DEPTOR: variants seen among roughly 807,000 people sequenced by gnomAD.
The protein encoded by DEPTOR is DEP domain-containing mTOR-interacting protein.
Under a neutral mutation model 41.6 loss-of-function variants are expected in DEPTOR, and 41 were observed. That is an observed-to-expected ratio of 0.98 (90% CI 0.77 to 1.28). The LOEUF (loss-of-function observed/expected upper bound fraction) is 1.28. DEPTOR is among the 50% of genes most tolerant of loss of function. The pLI, the probability that DEPTOR is intolerant of heterozygous loss-of-function variation, is 0.00. For missense variants in DEPTOR, 514 were observed against 527.9 expected (o/e 0.97, Z 0.26); for synonymous variants, 195 against 192.3 (o/e 1.01, Z -0.12).
At chr8:119,966,193 G>A (rs1381818462) in intron 4 of DEPTOR, among the ~76,000 whole-genome samples, 1 of 152,222 alleles carries the variant, frequency 6.6e-6, no homozygotes, top group African/African-American at 2.4e-5. Context: ...AGTCCGGCAC[G>A]GTGGCTCACA....
chr8:120,031,768 A>T (rs1812896082), intron 8 of DEPTOR, among the ~76,000 whole-genome samples: 1 of 152,064 alleles, frequency 6.6e-6, no homozygotes, highest in African/African-American at 2.4e-5. Context: ...GGCAGCCTTG[A>T]TACTGGGAGC....
rs116873044 is a variant in DEPTOR, at chr8:120,037,852, G to A, written c.1102-11724G>A. 1.2e-4 allele frequency among the ~76,000 whole-genome samples: 18 copies of A among 152,154 alleles called. No homozygotes were observed. The East Asian group carries it at 1.9e-3, about 16-fold the overall frequency. ...AAATGCCCCTGTCACATTCCCCATC[G>A]TTTTCTTCCATCTATAAAGATGATG... On this transcript the variant is annotated intron_variant, in intron 8 of 8. Coordinates refer to ENST00000286234, the MANE Select transcript of DEPTOR (RefSeq NM_022783.4).
At chr8:119,936,313 T>A (rs948953743) in intron 3 of DEPTOR, among the ~76,000 whole-genome samples, 2 of 152,186 alleles carry the variant, frequency 1.3e-5, no homozygotes, top group African/African-American at 4.8e-5. Context: ...TCCCAGTGCC[T>A]GGGACAATAA....
intron 1 of DEPTOR, among the ~76,000 whole-genome samples, chr8:119,903,515 C>G (rs540286416): frequency 3.9e-5 from 6 of 152,270 alleles, no homozygotes; most frequent in African/African-American, 1.4e-4. Context: ...ATGTCATCAA[C>G]ATAGTGAAGT....
intron 1 of DEPTOR, among the ~76,000 whole-genome samples, chr8:119,904,220 C>T (rs1827631168): frequency 2.6e-5 from 4 of 151,908 alleles, no homozygotes; most frequent in Admixed American, 2.6e-4. Flanking sequence ...CAGGTTCAAG[C>T]AGTTCTCATG....
intron 3 of DEPTOR, among the ~76,000 whole-genome samples, chr8:119,940,952 G>A (rs899046268): frequency 1.3e-5 from 2 of 152,062 alleles, no homozygotes; most frequent in Admixed American, 6.6e-5. Flanking sequence ...AGGGGAAAGG[G>A]GGGAATAGGG....
chr8:119,987,623 G>A (rs1378770197), intron 4 of DEPTOR, among the ~76,000 whole-genome samples: 1 of 152,176 alleles, frequency 6.6e-6, no homozygotes, highest in Non-Finnish European at 1.5e-5. Flanking sequence ...TGCTGAAGCG[G>A]CGCCAACAGC....
chr8:119,912,102 A>G (rs1827753155), intron 1 of DEPTOR, among the ~76,000 whole-genome samples: 1 of 152,220 alleles, frequency 6.6e-6, no homozygotes, highest in Non-Finnish European at 1.5e-5. Flanking sequence ...TGTTGGATGA[A>G]AGAACACATC....
At chr8:119,923,893 C>CTTTTCTTTTTTTTTTTT (rs1554673843) in intron 1 of DEPTOR, among the ~76,000 whole-genome samples, 1 of 104,980 alleles carries the variant, frequency 9.5e-6, no homozygotes. Flanking sequence ...TTTTTTCTTT[C>CTTTTCTTTTTTTTTTTT]TTTTTTTTTT....
intron 8 of DEPTOR, among the ~76,000 whole-genome samples, chr8:120,033,013 G>A (rs1366532306): frequency 6.6e-6 from 1 of 151,838 alleles, no homozygotes; most frequent in Admixed American, 6.6e-5. Flanking sequence ...AGTGAGGATG[G>A]GCTGATAAGG....
intron 1 of DEPTOR, among the ~76,000 whole-genome samples, chr8:119,875,511 G>A (rs190015401): frequency 1.6e-3 from 241 of 152,278 alleles, no homozygotes; most frequent in African/African-American, 5.4e-3. Context: ...CAAAGTAGAA[G>A]GTCATCAATA....
chr8:119,929,791 T>C, intron 2 of DEPTOR, 24 bp from the exon 3 acceptor site: 1 of 1,565,876 alleles, frequency 6.4e-7, no homozygotes. Context: ...TCTCATTTGC[T>C]TCTCTGTGCA....
chr8:120,034,529 T>C (rs1187738697), intron 8 of DEPTOR, among the ~76,000 whole-genome samples: 1 of 138,128 alleles, frequency 7.2e-6, no homozygotes, highest in Non-Finnish European at 1.5e-5. Flanking sequence ...CTCACTGCAA[T>C]CTCCACCTCC....
At chr8:119,922,059 G>A (rs2129825509) in intron 1 of DEPTOR, among the ~76,000 whole-genome samples, 1 of 152,040 alleles carries the variant, frequency 6.6e-6, no homozygotes, top group East Asian at 1.9e-4. Flanking sequence ...CCAACATGAT[G>A]AAACCCCGTC....
Position 119,873,945 on chromosome 8 carries a change from C to T in DEPTOR, c.99C>T (p.Val33=). 1.2e-6 allele frequency: 2 copies of T among 1,613,660 alleles called. No homozygotes were observed. Among genetic ancestry groups the T allele is most frequent in the Non-Finnish European group, 1.7e-6 (2 of 1,179,794 alleles). The change falls in exon 1 of 9, where the codon GTC becomes GTT. Residue 33 remains valine, a synonymous_variant. Transcript: ENST00000286234. ...GGGAGCTGGAGCGCATGGCTGAGGT[C>T]TTGGTCACCGGGGAACAGCTACGGT... The part of the protein sequence containing the change: ...QQRELERMAE[V]LVTGEQLRLR...
chr8:120,015,567 A>G (rs1812595767), intron 8 of DEPTOR, among the ~76,000 whole-genome samples: 1 of 152,182 alleles, frequency 6.6e-6, no homozygotes, highest in Non-Finnish European at 1.5e-5. Flanking sequence ...GTGGAGGAAC[A>G]CCAGGTTCTT....
chr8:119,994,119 G>A lies in DEPTOR; in HGVS notation c.605-7406G>A, dbSNP rs114739278. ...ACCATTGCACTCCAGCCTGGGCAAC[G>A]GAGCAAAAACTCCATCTCGAAAAAA... On this transcript the variant is annotated intron_variant, in intron 4 of 8. Transcript: ENST00000286234. Among the ~76,000 whole-genome samples the A allele has an allele frequency of 1.8e-3, 269 of 150,352 alleles. 2 individuals carry two copies. Among genetic ancestry groups the A allele is most frequent in the African/African-American group, 6.0e-3 (246 of 40,896 alleles).
rs1471050191 is a variant in DEPTOR, at chr8:120,001,536, C to T, written c.616C>T (p.His206Tyr). The change falls in exon 5 of 9, where the codon CAC becomes TAC. Residue 206 changes from histidine to tyrosine, a missense_variant. Physicochemically the swap from His to Tyr is moderately conservative, Grantham distance 83 (BLOSUM62 2). Coordinates refer to ENST00000286234, the MANE Select transcript of DEPTOR (RefSeq NM_022783.4). ...TTTTTTCTCCCCAGTGTCCAACAAG[C>T]ACCCATTTGTGGACAGCAATCTTCT... The part of the protein sequence containing the change: ...HGIIQHVSNK[H>Y]PFVDSNLLYQ... The T allele has an allele frequency of 2.5e-6, 4 of 1,609,170 alleles. No homozygotes were observed. The highest frequency in any genetic ancestry group is 3.4e-6 in the Non-Finnish European group (4 of 1,177,532).
chr8:119,908,591 T>C (rs6999724), intron 1 of DEPTOR, among the ~76,000 whole-genome samples: 33,379 of 151,974 alleles, frequency 0.22, 4,242 homozygotes, highest in African/African-American at 0.34. Context: ...CTACTTGCAA[T>C]TGGTATCTGG....
Sources: allele counts gnomAD v4.1 joint callset (sites outside exome capture counted in the v4.1 genomes callset), GRCh38; gene constraint gnomAD v4.1.1; transcripts MANE v1.5; gene names NCBI Gene and HGNC (gene_info 2026-07-23, HGNC 2026-07-21).